VAPB: variants seen among roughly 807,000 people sequenced by gnomAD.
VAPB encodes the protein vesicle-associated membrane protein-associated protein B/C.
A neutral mutation model predicts 25.6 loss-of-function variants in VAPB; 7 were observed. The ratio of observed to expected loss-of-function variants is 0.27; its 90% CI spans 0.16 to 0.51. The LOEUF (loss-of-function observed/expected upper bound fraction) is 0.51, where lower values mean the gene tolerates loss of function less well. Ranked by LOEUF, VAPB falls within the 20% of genes least tolerant of loss-of-function variation. The probability of loss-of-function intolerance (pLI) is 0.97; values close to 1 mark genes in which losing one functional copy is unlikely to be tolerated. For synonymous variants in VAPB, 112 were observed against 109.2 expected (o/e 1.03, Z -0.16); for missense variants, 266 against 301.3 (o/e 0.88, Z 0.87).
chr20:58,392,980 ATT>A (rs1395977365), intron 1 of VAPB, among the ~76,000 whole-genome samples: 1 of 152,160 alleles, frequency 6.6e-6, no homozygotes, highest in Non-Finnish European at 1.5e-5. Flanking sequence ...TTCATGAGAT[ATT>A]TTTAGTAAGT....
intron 1 of VAPB, among the ~76,000 whole-genome samples, chr20:58,400,401 A>G (rs921684775): frequency 3.3e-5 from 5 of 152,194 alleles, no homozygotes; most frequent in Admixed American, 3.3e-4. Flanking sequence ...GCTCCTGAAT[A>G]TTTAATTAAT....
At chr20:58,410,757 G>C (rs541377079) in intron 1 of VAPB, among the ~76,000 whole-genome samples, 30 of 151,962 alleles carry the variant, frequency 2.0e-4, no homozygotes, top group Non-Finnish European at 3.4e-4. Flanking sequence ...CTGTAGTTTT[G>C]CCTTTTCCAG....
chr20:58,429,630 C>T (rs1174221040), intron 2 of VAPB, among the ~76,000 whole-genome samples: 7 of 152,332 alleles, frequency 4.6e-5, no homozygotes, highest in Non-Finnish European at 1.0e-4. Context: ...AGGGAACGCC[C>T]ATTCCTTCCG....
At chr20:58,392,253 G>C (rs1175800556) in intron 1 of VAPB, among the ~76,000 whole-genome samples, 1 of 152,160 alleles carries the variant, frequency 6.6e-6, no homozygotes, top group African/African-American at 2.4e-5. Flanking sequence ...TAAGTGCATA[G>C]TACTATACAG....
Position 58,448,440 on chromosome 20 carries a change from C to T in VAPB, c.*4205C>T, listed in dbSNP as rs1372535992. ...CTGTATAGAACATTTCCAATACATT[C>T]GCTCATTGAACTTAATCCTTGCAAC... On this transcript the variant is annotated 3_prime_UTR_variant, in exon 6 of 6. Transcript: ENST00000475243. 2.2e-6 allele frequency: 1 copy of T among 453,966 alleles called. No individual in the cohort carries two copies. Among genetic ancestry groups the T allele is most frequent in the East Asian group, 6.9e-5 (1 of 14,404 alleles). The allele number at this position is 453,966 out of a possible 1,614,324, so 28.1% of individuals were successfully genotyped here. A position where few individuals can be genotyped will look rare whatever the true frequency, so the allele number is the denominator to read the frequency against.
chr20:58,450,790 T>C lies in VAPB; in HGVS notation c.*6555T>C, dbSNP rs1308240522. On this transcript the variant is annotated 3_prime_UTR_variant, in exon 6 of 6. Coordinates refer to ENST00000475243, the MANE Select transcript of VAPB (RefSeq NM_004738.5). The stretch of plus-strand genomic sequence containing the variant: ...GCTTTAGTTTTCATAATTTGTCCTT[T>C]ATGTATTTTTCATTGTATTTGCTGT... The C allele has an allele frequency of 1.1e-5, 5 of 454,040 alleles. No homozygotes were observed. The highest frequency in any genetic ancestry group is 4.7e-5 in the South Asian group (3 of 64,478). The allele number at this position is 454,040 out of a possible 1,614,324, so 28.1% of individuals were successfully genotyped here.
At chr20:58,393,107 C>T (rs993516318) in intron 1 of VAPB, among the ~76,000 whole-genome samples, 1 of 152,172 alleles carries the variant, frequency 6.6e-6, no homozygotes, top group African/African-American at 2.4e-5. Context: ...CATCATAGCT[C>T]ACTGTAGCCT....
rs142450171 is a variant in VAPB at position 58,397,468 on chromosome 20, G to A, written c.58+7951G>A. On this transcript the variant is annotated intron_variant, in intron 1 of 5. Coordinates refer to ENST00000475243, the MANE Select transcript of VAPB (RefSeq NM_004738.5). ...TGGAAGACGGAGGTTGCGGTGAGCC[G>A]AGATCCCGCCATCGCACTCCAGCCT... Among the ~76,000 whole-genome samples the A allele has an allele frequency of 6.3e-3, 955 of 150,764 alleles. 14 individuals are homozygous for A. Among genetic ancestry groups the A allele is most frequent in the African/African-American group, 0.022 (889 of 40,696 alleles).
intron 1 of VAPB, among the ~76,000 whole-genome samples, chr20:58,410,211 ACATTGACATGT>A (rs756152904): frequency 1.3e-5 from 2 of 152,180 alleles, no homozygotes; most frequent in Non-Finnish European, 2.9e-5. Context: ...TGGTGAACCT[ACATTGACATGT>A]CATTGTTAGC....
chr20:58,432,511 G>A (rs1489225713), intron 2 of VAPB: 1 of 151,966 alleles, frequency 6.6e-6, no homozygotes, highest in African/African-American at 2.4e-5. Context: ...AAAAATACCA[G>A]AGCATGATTT....
intron 3 of VAPB, among the ~76,000 whole-genome samples, chr20:58,437,595 C>T (rs1034488845): frequency 6.6e-6 from 1 of 152,196 alleles, no homozygotes; most frequent in African/African-American, 2.4e-5. Flanking sequence ...CAGTCTTTCA[C>T]CTGGTGCTTT....
At position 58,446,742 on chromosome 20, in the gene VAPB, A is replaced by G; in HGVS notation, c.*2507A>G. ...CCTTTTGACTGAGTGGCAGAAGGAA[A>G]CTGCTCAGGAAGAGAAACAGGTGAC... On this transcript the variant is annotated 3_prime_UTR_variant, in exon 6 of 6. Coordinates refer to ENST00000475243, the MANE Select transcript of VAPB (RefSeq NM_004738.5). 1 of 454,086 alleles carries G rather than the reference A, an allele frequency of 2.2e-6. No individual in the cohort carries two copies. The highest frequency in any genetic ancestry group is 4.4e-6 in the Non-Finnish European group (1 of 226,794). 28.1% of individuals were successfully genotyped at this position (454,086 alleles called of 1,614,324 possible).
chr20:58,430,126 T>G (rs1988895317), intron 2 of VAPB, among the ~76,000 whole-genome samples: 1 of 151,702 alleles, frequency 6.6e-6, no homozygotes, highest in Admixed American at 6.6e-5. Context: ...AAACTGAAAA[T>G]TCATATAATT....
At chr20:58,407,778 AC>A (rs1185140735) in intron 1 of VAPB, among the ~76,000 whole-genome samples, 1 of 152,146 alleles carries the variant, frequency 6.6e-6, no homozygotes, top group African/African-American at 2.4e-5. Flanking sequence ...AGACCTATCA[AC>A]TGTTGAAATA....
intron 1 of VAPB, among the ~76,000 whole-genome samples, chr20:58,399,000 A>G (rs1156976784): frequency 2.0e-5 from 3 of 152,030 alleles, no homozygotes; most frequent in Non-Finnish European, 4.4e-5. Context: ...GAGAAATGGG[A>G]TAGAAAAATA....
rs763661454 is a variant in VAPB at position 58,446,695 on chromosome 20, AC to A, written c.*2461del. 7.3e-5 allele frequency: 33 copies of A among 453,942 alleles called. No homozygotes were observed. Among genetic ancestry groups the A allele is most frequent in the South Asian group, 5.0e-4 (32 of 64,480 alleles). 28.1% of individuals were successfully genotyped at this position (453,942 alleles called of 1,614,324 possible). A position where few individuals can be genotyped will look rare whatever the true frequency, so the allele number is the denominator to read the frequency against. ...GTCTCTCTCCCTTCTAGAGGTTAGGACTTGGTGAACATGTTTGTGGGCCTTT... is the reference window on the plus strand; with the variant it reads ...GTCTCTCTCCCTTCTAGAGGTTAGGATTGGTGAACATGTTTGTGGGCCTTT... On this transcript the variant is annotated 3_prime_UTR_variant, in exon 6 of 6. Coordinates refer to ENST00000475243, the MANE Select transcript of VAPB (RefSeq NM_004738.5).
At chr20:58,419,232 G>C (rs1988615793) in intron 2 of VAPB, among the ~76,000 whole-genome samples, 1 of 152,108 alleles carries the variant, frequency 6.6e-6, no homozygotes, top group Admixed American at 6.6e-5. Flanking sequence ...GATTTTGATT[G>C]TGATACACTT....
chr20:58,441,662 C>T (rs1989165770), intron 5 of VAPB, among the ~76,000 whole-genome samples: 1 of 152,080 alleles, frequency 6.6e-6, no homozygotes, highest in Admixed American at 6.6e-5. Flanking sequence ...TAAACAAAAC[C>T]CCAAACAACT....
intron 1 of VAPB, among the ~76,000 whole-genome samples, chr20:58,416,376 A>G (rs1988539680): frequency 1.4e-5 from 1 of 73,836 alleles, no homozygotes; most frequent in Non-Finnish European, 3.0e-5. Flanking sequence ...TGTAAGGAAT[A>G]AACAAATACT....
Sources: allele counts gnomAD v4.1 joint callset (sites outside exome capture counted in the v4.1 genomes callset), GRCh38; gene constraint gnomAD v4.1.1; transcripts MANE v1.5; gene names NCBI Gene and HGNC (gene_info 2026-07-23, HGNC 2026-07-21).